Variants in GOLGA4 observed in about 807,000 individuals in gnomAD.
GOLGA4 encodes the protein golgin A4.
Under a neutral mutation model 265.9 loss-of-function variants are expected in GOLGA4, and 169 were observed. That is an observed-to-expected ratio of 0.64 (90% CI 0.56 to 0.72). The LOEUF is 0.72. Ranked by LOEUF, GOLGA4 falls within the 30% of genes least tolerant of loss-of-function variation. The pLI is 0.00. For synonymous variants in GOLGA4, 923 were observed against 855.8 expected, an observed-to-expected ratio of 1.08 and a Z score of -1.37; for missense variants, 2,482 against 2,483.4, an observed-to-expected ratio of 1.00 and a Z score of 0.01.
chr3:37,260,907 C>T (rs761421744), intron 2 of GOLGA4, among the ~76,000 whole-genome samples: 2 of 151,858 alleles, frequency 1.3e-5, no homozygotes, highest in Non-Finnish European at 2.9e-5. Context: ...TGGCTCACAC[C>T]TGTAATCCCG....
chr3:37,326,939 GA>G lies in GOLGA4; in HGVS notation c.5056del (p.Arg1686GlyfsTer21). The G allele has an allele frequency of 6.2e-7, 1 of 1,613,928 alleles. No individual in the cohort carries two copies. Among genetic ancestry groups the G allele is most frequent in the Non-Finnish European group, 8.5e-7 (1 of 1,179,852 alleles). On this transcript the variant is annotated frameshift_variant, in exon 14 of 24. Coordinates refer to ENST00000361924, the MANE Select transcript of GOLGA4 (RefSeq NM_002078.5). LOFTEE classifies it high-confidence loss of function. ...GCTAAATACAAAATTGCAGGAAAGA[GA>G]AAGGGAAGTTCACATCTTGGAAGAA... ...SELNTKLQER[E>X]REVHILEEKL...
chr3:37,244,332 A>C (rs1440156853), intron 1 of GOLGA4, among the ~76,000 whole-genome samples: 1 of 152,116 alleles, frequency 6.6e-6, no homozygotes, highest in Non-Finnish European at 1.5e-5. Flanking sequence ...TCTGCTTTTT[A>C]AGTCTTGCTG....
At chr3:37,268,412 A>G (rs190461613) in intron 2 of GOLGA4, among the ~76,000 whole-genome samples, 176 of 152,044 alleles carry the variant, frequency 1.2e-3, no homozygotes, top group Non-Finnish European at 1.2e-3. Context: ...ATAAAATAAT[A>G]TTGCTTTATA....
chr3:37,349,147 T>C (rs1313785771), intron 21 of GOLGA4, among the ~76,000 whole-genome samples: 3 of 152,180 alleles, frequency 2.0e-5, no homozygotes, highest in Non-Finnish European at 4.4e-5. Context: ...AAATTGGTAC[T>C]AGGTATTTAC....
At chr3:37,338,582 G>T (rs1157375506) in intron 19 of GOLGA4, among the ~76,000 whole-genome samples, 1 of 152,064 alleles carries the variant, frequency 6.6e-6, no homozygotes, top group Non-Finnish European at 1.5e-5. Context: ...TTTACTGTGG[G>T]AATATACACA....
At chr3:37,308,142 A>C (rs2096912357) in intron 10 of GOLGA4, among the ~76,000 whole-genome samples, 1 of 152,018 alleles carries the variant, frequency 6.6e-6, no homozygotes, top group Non-Finnish European at 1.5e-5. Context: ...CTGAGGCAGG[A>C]GAATCACTTG....
intron 2 of GOLGA4, among the ~76,000 whole-genome samples, chr3:37,273,881 C>T (rs527717330): frequency 6.6e-6 from 1 of 152,224 alleles, no homozygotes; most frequent in South Asian, 2.1e-4. Context: ...GTGGGCGGAT[C>T]GCTTGAGGCC....
At position 37,302,267 on chromosome 3, in the gene GOLGA4, G is replaced by A. The variant is rs766263520; in HGVS notation, c.1169G>A (p.Arg390His). Residue 390 changes from arginine (R) to histidine (H), a missense_variant, in exon 10 of 24, where the codon CGC (arginine) becomes CAC (histidine). Transcript: ENST00000361924. ...GAAGAAATTGCTCAACTCCGTAGTC[G>A]CATCAAACAGATGACTACCCAGGGA... ...KEEEIAQLRS[R>H]IKQMTTQGEE... The A allele has an allele frequency of 4.3e-6, 7 of 1,611,830 alleles. No individual in the cohort carries two copies. The highest frequency in any genetic ancestry group is 1.7e-4 in the Middle Eastern group (1 of 6,060).
At chr3:37,349,472 G>A (rs1193391745) in intron 21 of GOLGA4, among the ~76,000 whole-genome samples, 1 of 152,128 alleles carries the variant, frequency 6.6e-6, no homozygotes, top group Non-Finnish European at 1.5e-5. Context: ...TTTCAGGCAG[G>A]AAACATAGTG....
intron 21 of GOLGA4, among the ~76,000 whole-genome samples, chr3:37,354,578 G>C (rs2097085108): frequency 6.6e-6 from 1 of 151,978 alleles, no homozygotes; most frequent in Non-Finnish European, 1.5e-5. Context: ...AACATCTTGT[G>C]TTTATTTAAA....
chr3:37,345,925 C>T (rs1347496364), intron 20 of GOLGA4, among the ~76,000 whole-genome samples: 5 of 148,304 alleles, frequency 3.4e-5, no homozygotes, highest in African/African-American at 7.5e-5. Flanking sequence ...CCAGCCTGGG[C>T]GACAGAGCGA....
chr3:37,327,768 A>G lies in GOLGA4; in HGVS notation c.5882A>G (p.Gln1961Arg). 1.2e-6 allele frequency: 2 copies of G among 1,612,440 alleles called. No homozygotes were observed. The highest frequency in any genetic ancestry group is 1.7e-6 in the Non-Finnish European group (2 of 1,178,612). Residue 1961 changes from glutamine (Q) to arginine (R), a missense_variant, in exon 14 of 24, where the codon CAG (glutamine) becomes CGG (arginine). This residue lies in a region of GOLGA4 where 942 missense variants were observed against 983.1 expected (regional missense o/e 0.96). Coordinates refer to ENST00000361924, the MANE Select transcript of GOLGA4 (RefSeq NM_002078.5). ...CTTCGAATGTTGAGAAAGGAGCATCAGCAAGAATTGGAAATACTAAAGAAA... is the reference window on the plus strand; with the variant it reads ...CTTCGAATGTTGAGAAAGGAGCATCGGCAAGAATTGGAAATACTAAAGAAA... ...KDLRMLRKEH[Q>R]QELEILKKEY...
chr3:37,366,139 C>CTTT lies in GOLGA4; in HGVS notation c.*94_*95insTTT. ...CATTGGGTGACTGCTGCTTGGAAAA[C>CTTT]TGTCCACACTTGCTACTCTTTGAGA... is the stretch of plus-strand genomic sequence containing the variant. On this transcript the variant is annotated 3_prime_UTR_variant, in exon 24 of 24. Transcript: ENST00000361924. 1.3e-6 allele frequency: 2 copies of CTTT among 1,482,522 alleles called. No individual in the cohort carries two copies. The highest frequency in any genetic ancestry group is 1.8e-6 in the Non-Finnish European group (2 of 1,106,946). The allele number at this position is 1,482,522 out of a possible 1,614,324, so 91.8% of individuals were successfully genotyped here.
At chr3:37,299,548 TAA>T (rs939545226) in intron 9 of GOLGA4, among the ~76,000 whole-genome samples, 177 bp downstream of exon 9, 6 of 152,226 alleles carry the variant, frequency 3.9e-5, no homozygotes, top group Non-Finnish European at 7.4e-5. Flanking sequence ...TTGTGTCATG[TAA>T]AACTGATTCT....
intron 1 of GOLGA4, among the ~76,000 whole-genome samples, chr3:37,248,794 G>A (rs1355089491): frequency 1.3e-5 from 2 of 152,176 alleles, no homozygotes; most frequent in African/African-American, 4.8e-5. Context: ...TGAGGCCAAG[G>A]TGTAAGACGT....
rs772707884 is a variant in GOLGA4, at chr3:37,319,098, G to A, written c.1449G>A (p.Lys483=). ...SSEEQIAKLQ[K]LHEKELARKE... is the part of the protein sequence containing the mutation. ...AAGAACAAATTGCTAAGCTACAGAAGCTTCATGAAAAGGAGCTGGCCAGAA... is the reference window on the plus strand; with the variant it reads ...AAGAACAAATTGCTAAGCTACAGAAACTTCATGAAAAGGAGCTGGCCAGAA... Residue 483 remains lysine, a synonymous_variant, in exon 12 of 24, where the codon AAG becomes AAA. Coordinates refer to ENST00000361924, the MANE Select transcript of GOLGA4 (RefSeq NM_002078.5). 23 of 1,608,866 alleles carry A rather than the reference G, an allele frequency of 1.4e-5. No individual in the cohort carries two copies. The African/African-American group carries it at 2.9e-4, about 21-fold the overall frequency.
At chr3:37,361,349 A>G in intron 23 of GOLGA4, 44 bp downstream of exon 23, 4 of 1,374,782 alleles carry the variant, frequency 2.9e-6, no homozygotes, top group South Asian at 1.2e-5. Flanking sequence ...CAAAAATCAA[A>G]TGTGTTGCCT....
intron 2 of GOLGA4, among the ~76,000 whole-genome samples, chr3:37,255,812 G>T (rs2096747023): frequency 6.6e-6 from 1 of 151,186 alleles, no homozygotes; most frequent in African/African-American, 2.4e-5. Flanking sequence ...AAGCATAGTG[G>T]CACAATCTCA....
In GOLGA4 at chr3:37,262,365, G is replaced by C. The variant is rs2096771939; in HGVS notation, c.162+10881G>C. 3.3e-5 allele frequency among the ~76,000 whole-genome samples: 5 copies of C among 151,950 alleles called. No individual in the cohort carries two copies. The South Asian group carries it at 1.0e-3, about 32-fold the overall frequency. On this transcript the variant is annotated intron_variant, in intron 2 of 23. Transcript: ENST00000361924. The stretch of plus-strand genomic sequence containing the variant: ...TACTAATAATACAAAAATTAGCTGG[G>C]TGTGGTGGCACATACCTGTTATCCC...
Sources: gnomAD v4.1 joint callset for allele counts (sites outside exome capture counted in the v4.1 genomes callset) on GRCh38, gnomAD v4.1.1 for gene constraint, gnomAD v4.1.1 regional missense constraint, MANE v1.5 for transcripts, NCBI Gene and HGNC (gene_info 2026-07-23, HGNC 2026-07-21) for gene names.